Variants in ELP2 observed in about 807,000 individuals in gnomAD.
The protein encoded by ELP2 is elongator acetyltransferase complex subunit 2, also known as elongator complex protein 2.
ELP2 carries 90 observed loss-of-function variants against 119.2 expected under a neutral mutation model. The ratio of observed to expected loss-of-function variants is 0.75; its 90% CI spans 0.64 to 0.90. The LOEUF is 0.90. Among genes scored for constraint, ELP2 ranks in the 40% least tolerant of loss-of-function variants. The probability of loss-of-function intolerance (pLI) is 0.00; values close to 1 mark genes in which losing one functional copy is unlikely to be tolerated. For synonymous variants in ELP2, 339 were observed against 331.0 expected, an observed-to-expected ratio of 1.02 and a Z score of -0.26; for missense variants, 921 against 967.8, an observed-to-expected ratio of 0.95 and a Z score of 0.64.
At position 36,176,413 on chromosome 18, in the gene ELP2, G is replaced by A. The variant is rs1377080924; in HGVS notation, c.*1772G>A. ...TTTACCCACATTGACACATGGGCTT[G>A]TTCTGACCCAAGTGCATGCAGGCTT... On this transcript the variant is annotated 3_prime_UTR_variant, in exon 22 of 22. Coordinates refer to ENST00000358232, the MANE Select transcript of ELP2 (RefSeq NM_018255.4). 1 of 152,208 alleles carries A rather than the reference G, an allele frequency of 6.6e-6. No homozygotes were observed. Among genetic ancestry groups the A allele is most frequent in the Non-Finnish European group, 1.5e-5 (1 of 68,056 alleles). The allele number at this position is 152,208 out of a possible 1,614,324, so 9.4% of individuals were successfully genotyped here. A position where few individuals can be genotyped will look rare whatever the true frequency, so the allele number is the denominator to read the frequency against.
intron 19 of ELP2, among the ~76,000 whole-genome samples, chr18:36,168,766 A>T (rs142849113): frequency 2.0e-5 from 3 of 152,312 alleles, no homozygotes; most frequent in East Asian, 3.9e-4. Context: ...ACTCTCAGGG[A>T]TAGGTCAGGG....
Position 36,174,870 on chromosome 18 carries a change from T to C in ELP2, c.*229T>C. ...CCACCAATTCCGGCTAATTTTTGTA[T>C]TTTTAGTAGAGACTGGGTTTCACCG... On this transcript the variant is annotated 3_prime_UTR_variant, in exon 22 of 22. Coordinates refer to ENST00000358232, the MANE Select transcript of ELP2 (RefSeq NM_018255.4). The C allele has an allele frequency of 8.6e-6, 4 of 463,894 alleles. No homozygotes were observed. The South Asian group carries it at 9.3e-5, about 11-fold the overall frequency. 28.7% of individuals were successfully genotyped at this position (463,894 alleles called of 1,614,324 possible). A position where few individuals can be genotyped will look rare whatever the true frequency, so the allele number is the denominator to read the frequency against.
intron 21 of ELP2, among the ~76,000 whole-genome samples, chr18:36,172,766 G>C (rs1339487612): frequency 6.6e-6 from 1 of 152,212 alleles, no homozygotes; most frequent in Non-Finnish European, 1.5e-5. Context: ...CTGGTGGGAA[G>C]CCCCTTAGAA....
intron 20 of ELP2, 53 bp downstream of exon 20, chr18:36,170,249 TG>T (rs1368820392): frequency 1.9e-5 from 31 of 1,603,716 alleles, no homozygotes; most frequent in Middle Eastern, 1.7e-4. Flanking sequence ...TTTCTTAATA[TG>T]TAGCCCTCAT....
chr18:36,167,364 G>A (rs746458773), intron 19 of ELP2, 142 bp downstream of exon 19: 3 of 565,692 alleles, frequency 5.3e-6, no homozygotes, highest in East Asian at 7.0e-5. Context: ...TTTCGTATAT[G>A]TACATATAAA....
At position 36,174,594 on chromosome 18, in the gene ELP2, G is replaced by A; in HGVS notation, c.2434G>A (p.Glu812Lys). 1 of 1,614,182 alleles carries A rather than the reference G, an allele frequency of 6.2e-7. No homozygotes were observed. The highest frequency in any genetic ancestry group is 1.3e-5 in the African/African-American group (1 of 75,044). The change falls in exon 22 of 22, where the codon GAA (glutamate) becomes AAA (lysine). Residue 812 changes from glutamate (E) to lysine (K), a missense_variant. Coordinates refer to ENST00000358232, the MANE Select transcript of ELP2 (RefSeq NM_018255.4). ...AEWLHFASCG[E>K]DHTVKIHRVN... ...GTGGTTACACTTTGCAAGCTGTGGT[G>A]AAGATCACACTGTGAAGATACACAG...
chr18:36,133,863 G>A (rs145236564), intron 2 of ELP2, among the ~76,000 whole-genome samples: 1 of 142,090 alleles, frequency 7.0e-6, no homozygotes, highest in Admixed American at 7.1e-5. Context: ...GGGACCACAA[G>A]TGTGTGGCAC....
chr18:36,158,007 C>T (rs575502079), intron 13 of ELP2, among the ~76,000 whole-genome samples: 50 of 152,240 alleles, frequency 3.3e-4, no homozygotes, highest in African/African-American at 1.0e-3. Context: ...TGCTTGCTCT[C>T]GTTTGGGTTT....
At chr18:36,162,858 A>G (rs1381313221) in intron 17 of ELP2, among the ~76,000 whole-genome samples, 1 of 152,200 alleles carries the variant, frequency 6.6e-6, no homozygotes, top group Non-Finnish European at 1.5e-5. Flanking sequence ...TGGTGAAACT[A>G]TTCAAATCTT....
chr18:36,139,002 A>G, intron 5 of ELP2, 130 bp downstream of exon 5: 1 of 763,418 alleles, frequency 1.3e-6, no homozygotes, highest in Middle Eastern at 3.5e-4. Context: ...GATGTGAATA[A>G]CATACTTTCC....
At chr18:36,167,895 C>G in intron 19 of ELP2, among the ~76,000 whole-genome samples, 1 of 151,914 alleles carries the variant, frequency 6.6e-6, no homozygotes, top group Non-Finnish European at 1.5e-5. Flanking sequence ...CAGGCTGGTC[C>G]CAAACTCCTG....
intron 19 of ELP2, among the ~76,000 whole-genome samples, chr18:36,169,563 T>C (rs958128133): frequency 3.9e-5 from 6 of 151,990 alleles, no homozygotes; most frequent in African/African-American, 1.4e-4. Context: ...ATTTTTTGTA[T>C]TTTTAGTAGA....
rs778941617 is a variant in ELP2, at chr18:36,161,013, G to A, written c.1761+9G>A. 1.2e-6 allele frequency: 2 copies of A among 1,608,314 alleles called. No homozygotes were observed. Among genetic ancestry groups the A allele is most frequent in the Non-Finnish European group, 1.7e-6 (2 of 1,174,930 alleles). On this transcript the variant is annotated intron_variant, in intron 17 of 21. Coordinates refer to ENST00000358232, the MANE Select transcript of ELP2 (RefSeq NM_018255.4). Reference sequence around the variant, plus strand: ...TTGCCTCAGCTTGTAAGGTAGGGAAGTTTACTTTTGATTCTGCTTGGTCAC... The same window carrying A: ...TTGCCTCAGCTTGTAAGGTAGGGAAATTTACTTTTGATTCTGCTTGGTCAC...
rs532637223 is a variant in ELP2 at position 36,179,633 on chromosome 18, T to A, written c.*4992T>A. 8.5e-5 allele frequency: 13 copies of A among 152,272 alleles called. No individual in the cohort carries two copies. Among genetic ancestry groups the A allele is most frequent in the African/African-American group, 2.9e-4 (12 of 41,538 alleles). 9.4% of individuals were successfully genotyped at this position (152,272 alleles called of 1,614,324 possible). ...TTGCAGGGGCTCTCCTGCAGCAAGG[T>A]GCCTGCTGACTGTCCCCAGACTGTC... On this transcript the variant is annotated 3_prime_UTR_variant, in exon 22 of 22. Coordinates refer to ENST00000358232, the MANE Select transcript of ELP2 (RefSeq NM_018255.4).
chr18:36,146,149 A>G (rs2090191980), intron 10 of ELP2, 101 bp downstream of exon 10: 4 of 1,579,110 alleles, frequency 2.5e-6, no homozygotes, highest in East Asian at 4.5e-5. Context: ...CACTGTGTAC[A>G]TTAAAATAGT....
At chr18:36,170,236 T>A (rs772140724) in intron 20 of ELP2, 40 bp downstream of exon 20, 25 of 1,613,020 alleles carry the variant, frequency 1.5e-5, no homozygotes, top group Admixed American at 3.3e-5. Flanking sequence ...GAGGACCACT[T>A]GGTTTCTTAA....
chr18:36,174,363 G>T, intron 21 of ELP2, 122 bp from the exon 22 acceptor site: 1 of 953,468 alleles, frequency 1.0e-6, no homozygotes, highest in South Asian at 1.6e-5. Flanking sequence ...AAAATAAAAT[G>T]GCTAAAATGT....
chr18:36,168,852 C>T (rs1409158067), intron 19 of ELP2, among the ~76,000 whole-genome samples: 1 of 151,270 alleles, frequency 6.6e-6, no homozygotes, highest in East Asian at 1.9e-4. Context: ...GCCTTCTGCT[C>T]AGTATCTTGC....
chr18:36,151,187 C>T (rs1385356441), intron 11 of ELP2, among the ~76,000 whole-genome samples: 3 of 151,232 alleles, frequency 2.0e-5, no homozygotes, highest in Non-Finnish European at 4.4e-5. Flanking sequence ...TGGGCTCAAT[C>T]GATCCTCCCA....
Sources: allele counts gnomAD v4.1 joint callset (sites outside exome capture counted in the v4.1 genomes callset), GRCh38; gene constraint gnomAD v4.1.1; transcripts MANE v1.5; gene names NCBI Gene and HGNC (gene_info 2026-07-23, HGNC 2026-07-21).